Variants in AP1G1 observed in about 807,000 individuals in gnomAD.
AP1G1 encodes the protein AP-1 complex subunit gamma-1.
Under a neutral mutation model 108.3 loss-of-function variants are expected in AP1G1, and 7 were observed. That is an observed-to-expected ratio of 0.06 (90% CI 0.04 to 0.12). The LOEUF is 0.12. AP1G1 is among the 10% of genes least tolerant of loss of function. The probability of loss-of-function intolerance (pLI) is 1.00; values close to 1 mark genes in which losing one functional copy is unlikely to be tolerated. For missense variants in AP1G1, 756 were observed against 1,010.7 expected, an observed-to-expected ratio of 0.75 and a Z score of 3.42; for synonymous variants, 379 against 353.5, an observed-to-expected ratio of 1.07 and a Z score of -0.81.
At chr16:71,769,161 T>TAATC (rs1349818649) in intron 6 of AP1G1, among the ~76,000 whole-genome samples, 2 of 151,182 alleles carry the variant, frequency 1.3e-5, no homozygotes, top group African/African-American at 2.4e-5. Context: ...CGCGCACCTG[T>TAATC]AATCCCAGCT....
chr16:71,759,012 T>C (rs2030943784), intron 10 of AP1G1, 91 bp from the exon 11 acceptor site: 2 of 697,954 alleles, frequency 2.9e-6, no homozygotes, highest in Non-Finnish European at 2.4e-6. Context: ...AGACGTCTAA[T>C]GGATAAGAGA....
At chr16:71,768,701 G>A (rs1431609925) in intron 6 of AP1G1, among the ~76,000 whole-genome samples, 1 of 147,214 alleles carries the variant, frequency 6.8e-6, no homozygotes, top group Admixed American at 6.9e-5. Context: ...GGATCACGAG[G>A]TCAGGAGATC....
Position 71,729,577 on chromosome 16 carries a change from C to T in AP1G1, c.*3481G>A, listed in dbSNP as rs1170226146. The stretch of plus-strand genomic sequence containing the variant: ...AGGTCCTGGAACCCTGTCGATGGGA[C>T]CCACTCACTGATATTGCTTGAAAAA... On this transcript the variant is annotated 3_prime_UTR_variant, in exon 23 of 23. Coordinates refer to ENST00000299980, the MANE Select transcript of AP1G1 (RefSeq NM_001128.6). The T allele has an allele frequency of 1.3e-5, 2 of 152,588 alleles. No individual in the cohort carries two copies. Among genetic ancestry groups the T allele is most frequent in the Non-Finnish European group, 2.9e-5 (2 of 68,048 alleles). The allele number at this position is 152,588 out of a possible 1,614,324, so 9.5% of individuals were successfully genotyped here. A position where few individuals can be genotyped will look rare whatever the true frequency, so the allele number is the denominator to read the frequency against.
intron 1 of AP1G1, among the ~76,000 whole-genome samples, chr16:71,789,953 G>C (rs925236891): frequency 6.6e-6 from 1 of 152,140 alleles, no homozygotes; most frequent in African/African-American, 2.4e-5. Context: ...GAGAGATTAA[G>C]AGAGAAGACC....
intron 1 of AP1G1, among the ~76,000 whole-genome samples, chr16:71,804,045 A>T (rs1238964148): frequency 6.6e-6 from 1 of 151,188 alleles, no homozygotes; most frequent in Non-Finnish European, 1.5e-5. Context: ...AACATATTTT[A>T]TTTATTTATT....
At chr16:71,759,667 G>A (rs2030982596) in intron 10 of AP1G1, among the ~76,000 whole-genome samples, 1 of 151,132 alleles carries the variant, frequency 6.6e-6, no homozygotes, top group Non-Finnish European at 1.5e-5. Flanking sequence ...GGCTGAGGCA[G>A]GAGAATGGCG....
chr16:71,759,240 C>T (rs1023348429), intron 10 of AP1G1, among the ~76,000 whole-genome samples: 10 of 151,510 alleles, frequency 6.6e-5, no homozygotes, highest in Non-Finnish European at 1.0e-4. Context: ...AGGTGGATAC[C>T]TGAGGTCAGG....
chr16:71,785,052 A>C (rs886455697), intron 2 of AP1G1, among the ~76,000 whole-genome samples: 10 of 151,376 alleles, frequency 6.6e-5, no homozygotes, highest in Non-Finnish European at 1.5e-4. Context: ...TCAACGTATG[A>C]TCAACACAAA....
chr16:71,769,561 G>C, intron 6 of AP1G1, 62 bp downstream of exon 6: 1 of 1,432,606 alleles, frequency 7.0e-7, no homozygotes, highest in Non-Finnish European at 9.8e-7. Context: ...AGAAAATCAT[G>C]TACTTTTCAG....
In AP1G1 at chr16:71,758,809, G is replaced by A. The variant is rs772075818; in HGVS notation, c.1087C>T (p.Arg363Trp). The A allele has an allele frequency of 1.0e-5, 16 of 1,577,234 alleles. No homozygotes were observed. Among genetic ancestry groups the A allele is most frequent in the Admixed American group, 1.9e-5 (1 of 53,722 alleles). ...TGAGAAAGGCTCTCAGTTTGTTACCGTTTTATTGAGACATCCAAATCTTTA... is the reference window on the plus strand; with the variant it reads ...TGAGAAAGGCTCTCAGTTTGTTACCATTTTATTGAGACATCCAAATCTTTA... ...CLKDLDVSIK[R>W]RAMELSFALV... Residue 363 changes from arginine (R) to tryptophan (W), a missense_variant and splice_region_variant, in exon 11 of 23, where the codon CGG becomes TGG. Arg to Trp is a moderately radical substitution (Grantham distance 101). Transcript: ENST00000299980.
intron 15 of AP1G1, among the ~76,000 whole-genome samples, chr16:71,748,675 A>C (rs2030315169): frequency 6.6e-6 from 1 of 152,184 alleles, no homozygotes; most frequent in Non-Finnish European, 1.5e-5. Flanking sequence ...AAACAGAAGA[A>C]GAAAAGAAAA....
At chr16:71,763,755 A>C (rs1268504270) in intron 9 of AP1G1, among the ~76,000 whole-genome samples, 1 of 152,230 alleles carries the variant, frequency 6.6e-6, no homozygotes, top group East Asian at 1.9e-4. Flanking sequence ...ATACTCTAGT[A>C]AATTTGCTTT....
At chr16:71,801,034 C>T (rs1027420743) in intron 1 of AP1G1, among the ~76,000 whole-genome samples, 9 of 152,080 alleles carry the variant, frequency 5.9e-5, no homozygotes, top group East Asian at 3.9e-4. Context: ...TGGCTGGGCG[C>T]GGTGGCTCAT....
At chr16:71,774,064 A>AAAG (rs1350155883) in intron 3 of AP1G1, among the ~76,000 whole-genome samples, 1 of 148,102 alleles carries the variant, frequency 6.8e-6, no homozygotes, top group Non-Finnish European at 1.5e-5. Context: ...TCCGTCTCAA[A>AAAG]AAGAAAAAAA....
Position 71,749,993 on chromosome 16 carries a change from G to C in AP1G1, c.1408-10C>G. The C allele has an allele frequency of 3.7e-6, 6 of 1,605,856 alleles. No homozygotes were observed. The highest frequency in any genetic ancestry group is 5.1e-6 in the Non-Finnish European group (6 of 1,172,822). On this transcript the variant is annotated splice_polypyrimidine_tract_variant and intron_variant, in intron 14 of 22. Coordinates refer to ENST00000299980, the MANE Select transcript of AP1G1 (RefSeq NM_001128.6). ...CTTGTACCAAAGGTTGCTGTGAAAA[G>C]AAAAGTCAACGTTTCTCAAGAACTT... is the stretch of plus-strand genomic sequence containing the variant.
At chr16:71,766,389 T>TGTGC (rs2031314790) in intron 6 of AP1G1, 1 of 466,476 alleles carries the variant, frequency 2.1e-6, no homozygotes, top group African/African-American at 2.0e-5. Flanking sequence ...TAACACATAG[T>TGTGC]AAAGGCAATT....
chr16:71,789,204 C>T, intron 2 of AP1G1, 75 bp downstream of exon 2: 1 of 1,394,828 alleles, frequency 7.2e-7, no homozygotes, highest in Non-Finnish European at 9.9e-7. Flanking sequence ...ACCTCCCCAC[C>T]AGAAAAAGAT....
rs760808998 is a variant in AP1G1, at chr16:71,750,223, C to A, written c.1394G>T (p.Gly465Val). The stretch of plus-strand genomic sequence containing the variant: ...TGAAGTACTTACTTGAGAATAATCA[C>A]CAAGAATTGCTTTGTACAGGCGCTG... ...TVQRLYKAIL[G>V]DYSQQPLVQV... The change falls in exon 14 of 23, where the codon GGT becomes GTT. Residue 465 changes from glycine to valine, a missense_variant. Gly to Val is a moderately radical substitution (Grantham distance 109). Coordinates refer to ENST00000299980, the MANE Select transcript of AP1G1 (RefSeq NM_001128.6). The A allele has an allele frequency of 6.2e-7, 1 of 1,613,782 alleles. No homozygotes were observed. Among genetic ancestry groups the A allele is most frequent in the South Asian group, 1.1e-5 (1 of 90,972 alleles).
chr16:71,804,005 C>G (rs1314953128), intron 1 of AP1G1, among the ~76,000 whole-genome samples: 1 of 150,940 alleles, frequency 6.6e-6, no homozygotes, highest in Non-Finnish European at 1.5e-5. Context: ...TACAAAAAGG[C>G]AACTGTAAAA....
Sources: gnomAD v4.1 joint callset for allele counts (sites outside exome capture counted in the v4.1 genomes callset) on GRCh38, gnomAD v4.1.1 for gene constraint, MANE v1.5 for transcripts, NCBI Gene and HGNC (gene_info 2026-07-23, HGNC 2026-07-21) for gene names.